SLC24A3: variants seen among roughly 807,000 people sequenced by gnomAD.
SLC24A3 encodes the protein sodium/potassium/calcium exchanger 3.
SLC24A3 carries 28 observed loss-of-function variants against 75.8 expected under a neutral mutation model. The ratio of observed to expected loss-of-function variants is 0.37; its 90% CI spans 0.27 to 0.51. The LOEUF is 0.51. SLC24A3 is among the 20% of genes least tolerant of loss of function. The pLI, the probability that SLC24A3 is intolerant of heterozygous loss-of-function variation, is 0.94. For synonymous variants in SLC24A3, 372 were observed against 334.1 expected (o/e 1.11, Z -1.24); for missense variants, 663 against 847.8 (o/e 0.78, Z 2.71).
intron 2 of SLC24A3, among the ~76,000 whole-genome samples, chr20:19,457,716 A>G (rs4361190): frequency 0.19 from 28,501 of 152,078 alleles, 6,359 homozygotes; most frequent in African/African-American, 0.52. Context: ...CCAACCTCAA[A>G]TTCCATTTGA....
intron 7 of SLC24A3, among the ~76,000 whole-genome samples, chr20:19,661,296 C>G (rs1300108858): frequency 6.6e-6 from 1 of 152,186 alleles, no homozygotes; most frequent in Non-Finnish European, 1.5e-5. Flanking sequence ...CAACCACAAC[C>G]TTCATCAATC....
At chr20:19,535,440 C>T (rs1294987838) in intron 3 of SLC24A3, among the ~76,000 whole-genome samples, 3 of 152,130 alleles carry the variant, frequency 2.0e-5, no homozygotes, top group Admixed American at 2.0e-4. Context: ...ACCAGGCTAG[C>T]CAAGTTTATT....
At chr20:19,426,714 G>A (rs1482853141) in intron 2 of SLC24A3, among the ~76,000 whole-genome samples, 6 of 152,200 alleles carry the variant, frequency 3.9e-5, no homozygotes, top group Non-Finnish European at 8.8e-5. Flanking sequence ...ACTACCGGCT[G>A]TACCATTTGA....
intron 2 of SLC24A3, among the ~76,000 whole-genome samples, chr20:19,475,115 G>T (rs1444568679): frequency 6.6e-6 from 1 of 152,124 alleles, no homozygotes; most frequent in Non-Finnish European, 1.5e-5. Flanking sequence ...GAGGTGGGAG[G>T]ATCACAAGGT....
intron 1 of SLC24A3, among the ~76,000 whole-genome samples, chr20:19,252,057 C>G (rs1438430362): frequency 6.6e-6 from 1 of 152,172 alleles, no homozygotes; most frequent in Non-Finnish European, 1.5e-5. Context: ...TCAGTGGTTG[C>G]AGCCCAGCAG....
intron 2 of SLC24A3, among the ~76,000 whole-genome samples, chr20:19,379,242 T>C (rs1261038095): frequency 6.6e-6 from 1 of 152,182 alleles, no homozygotes; most frequent in African/African-American, 2.4e-5. Flanking sequence ...CTCCCCTAAG[T>C]CTGGCACTGT....
At chr20:19,271,070 A>G (rs1983316556) in intron 1 of SLC24A3, among the ~76,000 whole-genome samples, 1 of 152,176 alleles carries the variant, frequency 6.6e-6, no homozygotes, top group Non-Finnish European at 1.5e-5. Flanking sequence ...GCAGGCTTTG[A>G]GCAGAGAACT....
Position 19,518,596 on chromosome 20 carries a change from A to G in SLC24A3, c.348+3032A>G, listed in dbSNP as rs114980912. Reference sequence around the variant, plus strand: ...GGTGAGAGTCAGGGAGTCTAGAGAGAGCAGAAACCAAAGGTGTTGGTGTTG... The same window carrying G: ...GGTGAGAGTCAGGGAGTCTAGAGAGGGCAGAAACCAAAGGTGTTGGTGTTG... On this transcript the variant is annotated intron_variant, in intron 3 of 16. Transcript: ENST00000328041. Among the ~76,000 whole-genome samples, 1,379 of 152,304 alleles carry G rather than the reference A, an allele frequency of 9.1e-3. 17 individuals are homozygous for G. The highest frequency in any genetic ancestry group is 0.032 in the African/African-American group (1,314 of 41,570).
intron 3 of SLC24A3, among the ~76,000 whole-genome samples, chr20:19,539,061 A>C (rs1329500440): frequency 1.3e-5 from 2 of 152,242 alleles, no homozygotes; most frequent in Admixed American, 6.5e-5. Flanking sequence ...AAAACTAGTC[A>C]GTGGTGATAG....
chr20:19,442,561 C>A (rs1174368476), intron 2 of SLC24A3, among the ~76,000 whole-genome samples: 2 of 152,010 alleles, frequency 1.3e-5, no homozygotes, highest in African/African-American at 4.8e-5. Flanking sequence ...GGGTTGTTTG[C>A]GTATTGTTGA....
At chr20:19,611,869 T>C (rs183704556) in intron 6 of SLC24A3, among the ~76,000 whole-genome samples, 88 of 152,310 alleles carry the variant, frequency 5.8e-4, no homozygotes, top group African/African-American at 2.0e-3. Context: ...TAAAGCAGCC[T>C]TTGGCGCACT....
chr20:19,582,056 G>A (rs2031225614), intron 4 of SLC24A3, among the ~76,000 whole-genome samples: 1 of 152,186 alleles, frequency 6.6e-6, no homozygotes, highest in South Asian at 2.1e-4. Context: ...TAATTGCTGG[G>A]GAAACATTAT....
chr20:19,534,442 G>T (rs981636541), intron 3 of SLC24A3, among the ~76,000 whole-genome samples: 1 of 12,660 alleles, frequency 7.9e-5, no homozygotes, highest in Non-Finnish European at 2.5e-4. Context: ...ACGGAGTCTC[G>T]CTCTGTCACC....
At chr20:19,452,909 C>T (rs760570456) in intron 2 of SLC24A3, among the ~76,000 whole-genome samples, 2 of 152,048 alleles carry the variant, frequency 1.3e-5, no homozygotes, top group African/African-American at 4.8e-5. Context: ...CTGTACCAGG[C>T]GCGGTGGCTC....
chr20:19,636,954 G>A (rs73283585), intron 6 of SLC24A3, among the ~76,000 whole-genome samples: 2,254 of 152,202 alleles, frequency 0.015, 68 homozygotes, highest in African/African-American at 0.052. Context: ...AGAACAAGCC[G>A]CTATTTAAAA....
At chr20:19,292,007 C>T (rs1983954072) in intron 2 of SLC24A3, among the ~76,000 whole-genome samples, 8 of 152,162 alleles carry the variant, frequency 5.3e-5, no homozygotes, top group Admixed American at 4.6e-4. Context: ...TAAGGAGAGG[C>T]CACATTTTGT....
chr20:19,298,344 C>T (rs1984109940), intron 2 of SLC24A3, among the ~76,000 whole-genome samples: 1 of 151,938 alleles, frequency 6.6e-6, no homozygotes, highest in Non-Finnish European at 1.5e-5. Flanking sequence ...CTTTGTGATT[C>T]TTTTTTATGT....
intron 2 of SLC24A3, among the ~76,000 whole-genome samples, chr20:19,364,481 G>T (rs1399922201): frequency 6.6e-6 from 1 of 151,142 alleles, no homozygotes; most frequent in African/African-American, 2.5e-5. Flanking sequence ...CTTGAGATAG[G>T]GTGTCACTCT....
chr20:19,370,694 A>G (rs762947199), intron 2 of SLC24A3, among the ~76,000 whole-genome samples: 14 of 152,192 alleles, frequency 9.2e-5, no homozygotes, highest in Non-Finnish European at 2.1e-4. Context: ...GTAGAGTAAA[A>G]ATTTCCTGCC....
Sources: gnomAD v4.1 joint callset for allele counts (sites outside exome capture counted in the v4.1 genomes callset) on GRCh38, gnomAD v4.1.1 for gene constraint, MANE v1.5 for transcripts, NCBI Gene and HGNC (gene_info 2026-07-23, HGNC 2026-07-21) for gene names.